Variants in FOXP1 observed in about 807,000 individuals in gnomAD.
FOXP1 encodes the protein forkhead box protein P1.
Under a neutral mutation model 98.2 loss-of-function variants are expected in FOXP1, and 15 were observed. The ratio of observed to expected loss-of-function variants is 0.15; its 90% CI spans 0.10 to 0.24. The LOEUF is 0.24. Among genes scored for constraint, FOXP1 ranks in the 10% least tolerant of loss-of-function variants. The pLI is 1.00. For synonymous variants in FOXP1, 371 were observed against 314.5 expected (o/e 1.18, Z -1.90); for missense variants, 633 against 848.5 (o/e 0.75, Z 3.15).
rs530801797 is a variant in FOXP1, at chr3:71,476,968, T to C, written c.-168+16458A>G. Among the ~76,000 whole-genome samples the C allele has an allele frequency of 4.9e-4, 74 of 152,364 alleles. No homozygotes were observed. The Middle Eastern group carries it at 0.01, about 21-fold the overall frequency. ...AATTACTCATCTGAAGGAAACTTAT[T>C]GACATTTATCTCATTCTCCCTCTTG... On this transcript the variant is annotated intron_variant, in intron 3 of 20. Transcript: ENST00000649528.
intron 6 of FOXP1, among the ~76,000 whole-genome samples, chr3:71,163,125 C>T (rs2061224906): frequency 1.3e-5 from 2 of 152,174 alleles, no homozygotes; most frequent in East Asian, 1.9e-4. Flanking sequence ...TCAACCAAAA[C>T]GATGCACGTG....
chr3:71,218,930 C>T (rs1243001626), intron 5 of FOXP1, among the ~76,000 whole-genome samples: 6 of 152,170 alleles, frequency 3.9e-5, no homozygotes, highest in Non-Finnish European at 8.8e-5. Context: ...CTACAACCTT[C>T]TGGCCACTTC....
At chr3:71,331,859 C>A (rs1189626547) in intron 4 of FOXP1, among the ~76,000 whole-genome samples, 1 of 148,160 alleles carries the variant, frequency 6.7e-6, no homozygotes, top group Non-Finnish European at 1.5e-5. Context: ...TGTAAATACA[C>A]CAATCAACAC....
At chr3:71,262,606 C>CA (rs2069265885) in intron 5 of FOXP1, among the ~76,000 whole-genome samples, 1 of 151,998 alleles carries the variant, frequency 6.6e-6, no homozygotes, top group South Asian at 2.1e-4. Flanking sequence ...AAAAGGTGGG[C>CA]ACAGAACCAA....
At chr3:71,331,104 G>A (rs551874733) in intron 4 of FOXP1, among the ~76,000 whole-genome samples, 36 of 152,332 alleles carry the variant, frequency 2.4e-4, no homozygotes, top group African/African-American at 6.7e-4. Context: ...GGCCGGAGAC[G>A]GCTCCCTCAG....
At chr3:71,076,591 G>T (rs2053831979) in intron 7 of FOXP1, among the ~76,000 whole-genome samples, 1 of 152,210 alleles carries the variant, frequency 6.6e-6, no homozygotes, top group African/African-American at 2.4e-5. Flanking sequence ...GAATGTGAAG[G>T]ATTTGGTGTG....
chr3:71,148,114 C>T (rs1383160696), intron 6 of FOXP1, among the ~76,000 whole-genome samples: 5 of 152,216 alleles, frequency 3.3e-5, no homozygotes, highest in African/African-American at 9.6e-5. Context: ...CGGTGGCTCA[C>T]GCCTGTAATC....
intron 4 of FOXP1, among the ~76,000 whole-genome samples, chr3:71,325,751 C>G (rs1182708121): frequency 6.6e-6 from 1 of 151,988 alleles, no homozygotes; most frequent in Non-Finnish European, 1.5e-5. Context: ...CAGGCATGCT[C>G]ATAGCACACT....
rs1004861526 is a variant in FOXP1, at chr3:71,000,962, G to A, written c.1062+10C>T. 2.9e-5 allele frequency: 45 copies of A among 1,576,768 alleles called. No homozygotes were observed. The highest frequency in any genetic ancestry group is 3.8e-5 in the Non-Finnish European group (43 of 1,146,196). On this transcript the variant is annotated intron_variant, in intron 13 of 20. Coordinates refer to ENST00000649528, the MANE Select transcript of FOXP1 (RefSeq NM_001349338.3). ...ACTGAGGTTAATATTAAAAATAAAT[G>A]TGGTTTTACCTGTAGCTCTAACTGC...
At chr3:71,002,584 C>T (rs1408122753) in intron 12 of FOXP1, among the ~76,000 whole-genome samples, 2 of 152,172 alleles carry the variant, frequency 1.3e-5, no homozygotes, top group Non-Finnish European at 2.9e-5. Context: ...GAGAAAATGG[C>T]CTAGTTCAGG....
intron 2 of FOXP1, among the ~76,000 whole-genome samples, chr3:71,502,633 G>T (rs1437819614): frequency 6.6e-6 from 1 of 152,126 alleles, no homozygotes; most frequent in African/African-American, 2.4e-5. Context: ...CGGTAACCAA[G>T]GCTCTCTACT....
chr3:71,302,117 TTC>T (rs1007242370), intron 4 of FOXP1, among the ~76,000 whole-genome samples: 1 of 152,240 alleles, frequency 6.6e-6, no homozygotes, highest in Non-Finnish European at 1.5e-5. Context: ...ATTAATTTAT[TTC>T]TGTTGATTTT....
chr3:71,246,793 T>A (rs1010584464), intron 5 of FOXP1, among the ~76,000 whole-genome samples: 19 of 152,330 alleles, frequency 1.2e-4, no homozygotes, highest in African/African-American at 4.6e-4. Flanking sequence ...TAATAACTCG[T>A]CTCCGTCACT....
intron 3 of FOXP1, among the ~76,000 whole-genome samples, chr3:71,377,624 A>C (rs2079820867): frequency 6.6e-6 from 1 of 152,198 alleles, no homozygotes; most frequent in Non-Finnish European, 1.5e-5. Context: ...AACTTGGGTA[A>C]TTATTTAACA....
At chr3:71,078,539 G>A (rs1373644777) in intron 7 of FOXP1, among the ~76,000 whole-genome samples, 1 of 152,092 alleles carries the variant, frequency 6.6e-6, no homozygotes. Flanking sequence ...CCTACTAAAG[G>A]TAGACAGCTA....
rs763953057 is a variant in FOXP1, at chr3:70,979,316, A to AAAAAGAAAAGAAAAAAAAAAG, written c.1147-1288_1147-1287insCTTTTTTTTTTCTTTTCTTTT. Among the ~76,000 whole-genome samples, 67 of 96,496 alleles carry AAAAAGAAAAGAAAAAAAAAAG rather than the reference A, an allele frequency of 6.9e-4. 7 individuals carry two copies. Among genetic ancestry groups the AAAAAGAAAAGAAAAAAAAAAG allele is most frequent in the Non-Finnish European group, 9.0e-4 (45 of 50,022 alleles). 63.3% of individuals were successfully genotyped at this position (96,496 alleles called of 152,430 possible). On this transcript the variant is annotated intron_variant, in intron 14 of 20. Coordinates refer to ENST00000649528, the MANE Select transcript of FOXP1 (RefSeq NM_001349338.3). ...AAAAAAAAAAAAAAAAAAAAAAAAA[A>AAAAAGAAAAGAAAAAAAAAAG]AAAAGAAAAAAATAAATTAATGAGC...
At chr3:71,204,298 T>C (rs1003749167) in intron 5 of FOXP1, among the ~76,000 whole-genome samples, 5 of 152,340 alleles carry the variant, frequency 3.3e-5, no homozygotes, top group African/African-American at 1.2e-4. Context: ...TCCCTTTTAA[T>C]GTGCAAAGGG....
chr3:71,084,049 C>T (rs867585170), intron 7 of FOXP1, among the ~76,000 whole-genome samples: 8 of 152,246 alleles, frequency 5.3e-5, no homozygotes, highest in South Asian at 2.1e-4. Context: ...GGGAGGGATT[C>T]CCCAAGTCAA....
chr3:71,548,048 C>T (rs552657931), intron 2 of FOXP1, among the ~76,000 whole-genome samples: 156 of 152,334 alleles, frequency 1.0e-3, no homozygotes, highest in Non-Finnish European at 1.7e-3. Context: ...AGGCAATCTG[C>T]AGTTCCTCTT....
Sources: gnomAD v4.1 joint callset for allele counts (sites outside exome capture counted in the v4.1 genomes callset) on GRCh38, gnomAD v4.1.1 for gene constraint, MANE v1.5 for transcripts, NCBI Gene and HGNC (gene_info 2026-07-23, HGNC 2026-07-21) for gene names.